Variants in PEX14 observed in about 807,000 individuals in gnomAD.
PEX14 encodes the protein peroxisomal membrane protein PEX14.
In PEX14, 15 loss-of-function variants were observed where a neutral mutation model predicts 49.5. That is an observed-to-expected ratio of 0.30 (90% CI 0.20 to 0.47). PEX14 has a LOEUF of 0.47. Ranked by LOEUF, PEX14 falls within the 20% of genes least tolerant of loss-of-function variation. The pLI, the probability that PEX14 is intolerant of heterozygous loss-of-function variation, is 1.00. For synonymous variants in PEX14, 210 were observed against 212.7 expected (o/e 0.99, Z 0.11); for missense variants, 398 against 494.8 (o/e 0.80, Z 1.86).
At chr1:10,481,341 T>C (rs148474336) in intron 1 of PEX14, among the ~76,000 whole-genome samples, 1,685 of 152,252 alleles carry the variant, frequency 0.011, 13 homozygotes, top group Middle Eastern at 0.024. Flanking sequence ...GGTTTTGCCA[T>C]GTTGGCCGGG....
intron 2 of PEX14, among the ~76,000 whole-genome samples, chr1:10,497,583 T>A (rs1347674337): frequency 1.3e-5 from 2 of 152,226 alleles, no homozygotes; most frequent in East Asian, 3.8e-4. Context: ...CACACGACTG[T>A]ATGTAATTTT....
At chr1:10,541,599 C>T (rs1639015339) in intron 3 of PEX14, among the ~76,000 whole-genome samples, 1 of 152,222 alleles carries the variant, frequency 6.6e-6, no homozygotes, top group Non-Finnish European at 1.5e-5. Context: ...GCATCTCCAT[C>T]CATCTGTTGT....
intron 4 of PEX14, among the ~76,000 whole-genome samples, chr1:10,617,847 C>T (rs1050370174): frequency 1.3e-5 from 2 of 152,204 alleles, no homozygotes; most frequent in African/African-American, 4.8e-5. Context: ...CCCGTGCCCC[C>T]ACCCAGCGTA....
chr1:10,489,517 G>A (rs969305202), intron 1 of PEX14, among the ~76,000 whole-genome samples: 2 of 152,184 alleles, frequency 1.3e-5, no homozygotes, highest in African/African-American at 4.8e-5. Flanking sequence ...GGACACTCCA[G>A]TCTGGCTGCT....
intron 3 of PEX14, among the ~76,000 whole-genome samples, chr1:10,594,763 A>G (rs1233662707): frequency 6.6e-6 from 1 of 152,182 alleles, no homozygotes; most frequent in South Asian, 2.1e-4. Context: ...GAGAAAAGAC[A>G]GCCCTTCCGG....
intron 4 of PEX14, among the ~76,000 whole-genome samples, chr1:10,614,017 C>T (rs925039822): frequency 3.3e-5 from 5 of 152,368 alleles, no homozygotes; most frequent in Non-Finnish European, 7.3e-5. Flanking sequence ...CCCAGGCGCC[C>T]TGCTCTCAGT....
chr1:10,628,814 C>G lies in PEX14; in HGVS notation c.678-717C>G, dbSNP rs1177935785. The stretch of plus-strand genomic sequence containing the variant: ...CAGGGCTTTGTCCTCTTGGCTCAGG[C>G]AGAGATGGGCCTGCCTGTTGGAGAG... On this transcript the variant is annotated intron_variant, in intron 8 of 8. Coordinates refer to ENST00000356607, the MANE Select transcript of PEX14 (RefSeq NM_004565.3). This position sits in a 1 kb window ranked among gnomAD's most constrained non-coding sequence, Gnocchi z 4.5. 6.6e-6 allele frequency among the ~76,000 whole-genome samples: 1 copy of G among 152,186 alleles called. No individual in the cohort carries two copies. Among genetic ancestry groups the G allele is most frequent in the Admixed American group, 6.5e-5 (1 of 15,286 alleles).
intron 3 of PEX14, among the ~76,000 whole-genome samples, chr1:10,542,357 G>T (rs182655447): frequency 4.6e-5 from 7 of 152,232 alleles, no homozygotes; most frequent in African/African-American, 1.7e-4. Context: ...CACTTTACTC[G>T]TATACTTGGT....
intron 3 of PEX14, among the ~76,000 whole-genome samples, chr1:10,545,964 G>C (rs936277547): frequency 2.6e-5 from 4 of 152,302 alleles, no homozygotes; most frequent in African/African-American, 9.6e-5. Context: ...AGGATTGCTT[G>C]AGCCTTGGAG....
At chr1:10,511,475 T>C (rs1268796176) in intron 2 of PEX14, among the ~76,000 whole-genome samples, 1 of 152,154 alleles carries the variant, frequency 6.6e-6, no homozygotes, top group Non-Finnish European at 1.5e-5. Context: ...GATTTTTGTG[T>C]AGGGTTTAGA....
intron 4 of PEX14, among the ~76,000 whole-genome samples, chr1:10,610,422 G>A (rs898399848): frequency 1.5e-4 from 22 of 150,798 alleles, no homozygotes; most frequent in Admixed American, 1.4e-3. Flanking sequence ...CAGAGAGAGA[G>A]AGATATCATT....
intron 3 of PEX14, among the ~76,000 whole-genome samples, chr1:10,587,382 G>A (rs1387208704): frequency 1.3e-5 from 2 of 152,160 alleles, no homozygotes; most frequent in African/African-American, 4.8e-5. Flanking sequence ...TTGAACCTGG[G>A]AGGCGGAGGT....
chr1:10,614,038 G>C (rs185142808), intron 4 of PEX14, among the ~76,000 whole-genome samples: 2 of 152,334 alleles, frequency 1.3e-5, no homozygotes, highest in Non-Finnish European at 2.9e-5. Flanking sequence ...TCCCTTGCGG[G>C]GTCTGCACCA....
At chr1:10,545,275 TTAAAAA>T (rs1298904567) in intron 3 of PEX14, among the ~76,000 whole-genome samples, 1 of 152,224 alleles carries the variant, frequency 6.6e-6, no homozygotes, top group Non-Finnish European at 1.5e-5. Context: ...ATTTTGGATA[TTAAAAA>T]TAAAGGTGCT....
intron 3 of PEX14, among the ~76,000 whole-genome samples, chr1:10,591,884 A>G (rs1004749219): frequency 5.3e-5 from 8 of 152,180 alleles, no homozygotes; most frequent in African/African-American, 9.6e-5. Flanking sequence ...TGGGAATCCA[A>G]TTCTGGGGCT....
chr1:10,626,712 G>A (rs541919147), intron 7 of PEX14, among the ~76,000 whole-genome samples: 8 of 152,240 alleles, frequency 5.3e-5, no homozygotes, highest in Admixed American at 1.3e-4. Context: ...AGGCCTCGTG[G>A]CATTGTCCTC....
chr1:10,601,959 C>T (rs770877515), intron 4 of PEX14, among the ~76,000 whole-genome samples: 1 of 152,198 alleles, frequency 6.6e-6, no homozygotes, highest in East Asian at 1.9e-4. Flanking sequence ...ACAGGTCTCT[C>T]GGCTACTTGG....
At chr1:10,524,635 G>C (rs947523226) in intron 2 of PEX14, among the ~76,000 whole-genome samples, 2 of 152,056 alleles carry the variant, frequency 1.3e-5, no homozygotes, top group African/African-American at 4.8e-5. Context: ...AGTGACTCTT[G>C]GCCAAGATGG....
At position 10,630,278 on chromosome 1, in the gene PEX14, CTCCCCA is replaced by C. The variant is rs1641886628; in HGVS notation, c.*292_*297del. On this transcript the variant is annotated 3_prime_UTR_variant, in exon 9 of 9. Transcript: ENST00000356607. This position sits in a 1 kb window ranked among gnomAD's most constrained non-coding sequence, Gnocchi z 4.1. ...CAGCGAAGCCTCGGGGCCCAAGCCC[CTCCCCA>C]GCCCCCTCTCCCGGACAGACGCCTT... 3.7e-6 allele frequency: 2 copies of C among 542,142 alleles called. No individual in the cohort carries two copies. Among genetic ancestry groups the C allele is most frequent in the Admixed American group, 6.3e-5 (2 of 31,800 alleles). The allele number at this position is 542,142 out of a possible 1,614,324, so 33.6% of individuals were successfully genotyped here.
Sources: gnomAD v4.1 joint callset for allele counts (sites outside exome capture counted in the v4.1 genomes callset) on GRCh38, gnomAD v4.1.1 for gene constraint, Gnocchi (gnomAD v3.1) non-coding constraint, MANE v1.5 for transcripts, NCBI Gene and HGNC (gene_info 2026-07-23, HGNC 2026-07-21) for gene names.